Variants in ENOX1 observed in about 807,000 individuals in gnomAD.
ENOX1 encodes the protein ecto-NOX disulfide-thiol exchanger 1, also known as candidate growth-related and time keeping constitutive hydroquinone (NADH) oxidase.
In ENOX1, 42 loss-of-function variants were observed where a neutral mutation model predicts 82.5. That is an observed-to-expected ratio of 0.51 (90% confidence interval 0.40 to 0.66). The LOEUF (loss-of-function observed/expected upper bound fraction) is 0.66. ENOX1 is among the 30% of genes least tolerant of loss of function. ENOX1 has a pLI of 0.00. For missense variants in ENOX1, 608 were observed against 811.6 expected, an observed-to-expected ratio of 0.75 and a Z score of 3.05; for synonymous variants, 271 against 282.2, an observed-to-expected ratio of 0.96 and a Z score of 0.40.
chr13:43,269,325 C>A, intron 13 of ENOX1, 145 bp downstream of exon 13: 1 of 648,234 alleles, frequency 1.5e-6, no homozygotes, highest in Non-Finnish European at 2.7e-6. Flanking sequence ...TTCCGCATAG[C>A]AAAGCTGCTA....
intron 3 of ENOX1, among the ~76,000 whole-genome samples, chr13:43,476,678 G>A (rs1055978877): frequency 1.3e-5 from 2 of 152,030 alleles, no homozygotes; most frequent in African/African-American, 4.8e-5. Flanking sequence ...GAGATATAAC[G>A]AGTAAAGCTA....
intron 2 of ENOX1, chr13:43,543,922 T>C (rs554799685): frequency 7.2e-6 from 1 of 138,022 alleles, no homozygotes; most frequent in South Asian, 2.6e-4. Flanking sequence ...TCTTTTTTTT[T>C]TTTTTTTTTT....
intron 15 of ENOX1, among the ~76,000 whole-genome samples, chr13:43,236,346 GC>G (rs1363287383): frequency 6.6e-6 from 1 of 152,182 alleles, no homozygotes; most frequent in Non-Finnish European, 1.5e-5. Context: ...GAAGTGACAT[GC>G]CCAAGCTTTG....
chr13:43,326,211 G>A (rs1326572412), intron 10 of ENOX1, among the ~76,000 whole-genome samples: 2 of 152,130 alleles, frequency 1.3e-5, no homozygotes, highest in African/African-American at 4.8e-5. Flanking sequence ...CCATTGCAGG[G>A]GAGAAAAACA....
chr13:43,389,621 A>G (rs2052644564), intron 5 of ENOX1, among the ~76,000 whole-genome samples: 1 of 152,192 alleles, frequency 6.6e-6, no homozygotes, highest in Admixed American at 6.5e-5. Flanking sequence ...TGATCTTTGA[A>G]AGAAAAGGAA....
intron 2 of ENOX1, among the ~76,000 whole-genome samples, chr13:43,666,586 C>T (rs770366261): frequency 3.5e-4 from 54 of 152,160 alleles, no homozygotes; most frequent in Non-Finnish European, 7.1e-4. Flanking sequence ...TTCTCCCTCA[C>T]GGCCTAGAAG....
At chr13:43,766,423 C>T (rs1461752270) in intron 1 of ENOX1, among the ~76,000 whole-genome samples, 1 of 152,152 alleles carries the variant, frequency 6.6e-6, no homozygotes, top group East Asian at 1.9e-4. Context: ...ATTAAGGCTA[C>T]TGCTGTAACA....
chr13:43,609,588 G>T (rs1441638885), intron 2 of ENOX1, among the ~76,000 whole-genome samples: 1 of 152,062 alleles, frequency 6.6e-6, no homozygotes, highest in Non-Finnish European at 1.5e-5. Flanking sequence ...AATCTAAAAG[G>T]CAAAGCAATT....
rs149147840 is a variant in ENOX1 at position 43,527,182 on chromosome 13, C to T, written c.-218-43030G>A. Among the ~76,000 whole-genome samples, 1,321 of 152,194 alleles carry T rather than the reference C, an allele frequency of 8.7e-3. 9 individuals carry two copies. The highest frequency in any genetic ancestry group is 0.042 in the South Asian group (205 of 4,824). On this transcript the variant is annotated intron_variant, in intron 2 of 16. Coordinates refer to ENST00000690772, the MANE Select transcript of ENOX1 (RefSeq NM_001347969.2). ...AAGACAGAACCTCCCTCAACCTCAG[C>T]TCCCTCCTCCCGAAGATCCACGCAT...
intron 3 of ENOX1, among the ~76,000 whole-genome samples, chr13:43,425,223 C>A (rs1018423270): frequency 4.6e-5 from 7 of 152,074 alleles, no homozygotes; most frequent in African/African-American, 1.7e-4. Context: ...ATTGGCTACA[C>A]CTGGTTATCT....
At chr13:43,555,209 A>T (rs1329308489) in intron 2 of ENOX1, among the ~76,000 whole-genome samples, 2 of 152,250 alleles carry the variant, frequency 1.3e-5, no homozygotes, top group Non-Finnish European at 2.9e-5. Flanking sequence ...ACAGAGGAAA[A>T]GTGCTATCAG....
chr13:43,361,119 A>G (rs1192403278), intron 6 of ENOX1, among the ~76,000 whole-genome samples, 160 bp downstream of exon 6: 2 of 152,198 alleles, frequency 1.3e-5, no homozygotes, highest in Admixed American at 6.5e-5. Context: ...ACATCCCTGT[A>G]TATTTATTGT....
chr13:43,540,738 GT>G (rs1261995998), intron 2 of ENOX1, among the ~76,000 whole-genome samples: 3 of 152,166 alleles, frequency 2.0e-5, no homozygotes, highest in Non-Finnish European at 2.9e-5. Context: ...ATTTTCAATT[GT>G]TTATTCAGTC....
intron 1 of ENOX1, among the ~76,000 whole-genome samples, chr13:43,751,294 G>A (rs976346394): frequency 6.6e-6 from 1 of 152,118 alleles, no homozygotes; most frequent in African/African-American, 2.4e-5. Flanking sequence ...GCTTTTCTTG[G>A]ACTAACAGAA....
intron 2 of ENOX1, among the ~76,000 whole-genome samples, chr13:43,556,085 AGC>A: frequency 6.6e-6 from 1 of 152,348 alleles, no homozygotes; most frequent in East Asian, 1.9e-4. Flanking sequence ...TTCAATGTAT[AGC>A]AAAAAGCATC....
chr13:43,610,255 T>C (rs1159750676), intron 2 of ENOX1, among the ~76,000 whole-genome samples: 1 of 152,174 alleles, frequency 6.6e-6, no homozygotes, highest in African/African-American at 2.4e-5. Flanking sequence ...ATAAATAAAT[T>C]GTAACTTTTT....
intron 5 of ENOX1, among the ~76,000 whole-genome samples, chr13:43,391,118 C>T (rs1159711277): frequency 6.6e-6 from 1 of 152,062 alleles, no homozygotes; most frequent in Non-Finnish European, 1.5e-5. Flanking sequence ...GAACCCGGCC[C>T]CCATTGCAGT....
chr13:43,645,419 A>G (rs905543908), intron 2 of ENOX1, among the ~76,000 whole-genome samples: 7 of 152,180 alleles, frequency 4.6e-5, no homozygotes, highest in African/African-American at 1.7e-4. Context: ...AGAGCCTACC[A>G]AAGTGCTGGG....
chr13:43,700,056 AT>A (rs1316618918), intron 1 of ENOX1, among the ~76,000 whole-genome samples: 1 of 152,134 alleles, frequency 6.6e-6, no homozygotes, highest in Non-Finnish European at 1.5e-5. Flanking sequence ...ATCCAAATGT[AT>A]TTTTGTACCT....
Sources: allele counts gnomAD v4.1 joint callset (sites outside exome capture counted in the v4.1 genomes callset), GRCh38; gene constraint gnomAD v4.1.1; transcripts MANE v1.5; gene names NCBI Gene and HGNC (gene_info 2026-07-23, HGNC 2026-07-21).